Variants in CPPED1 observed in about 807,000 individuals in gnomAD.
CPPED1 encodes the protein serine/threonine-protein phosphatase CPPED1.
A neutral mutation model predicts 28.0 loss-of-function variants in CPPED1; 28 were observed. The observed-to-expected ratio is 1.00, with a 90% CI of 0.74 to 1.37. CPPED1 has a LOEUF of 1.37. CPPED1 is among the 40% of genes most tolerant of loss of function. CPPED1 has a pLI of 0.00. For synonymous variants in CPPED1, 198 were observed against 180.2 expected (o/e 1.10, Z -0.79); for missense variants, 504 against 416.5 (o/e 1.21, Z -1.83).
chr16:12,695,666 T>A (rs573609280), intron 3 of CPPED1, among the ~76,000 whole-genome samples: 1 of 152,344 alleles, frequency 6.6e-6, no homozygotes, highest in East Asian at 1.9e-4. Flanking sequence ...CAATCTCCGG[T>A]TTTGGCCAAT....
At chr16:12,684,023 G>A (rs748500477) in intron 3 of CPPED1, among the ~76,000 whole-genome samples, 8 of 152,136 alleles carry the variant, frequency 5.3e-5, no homozygotes, top group Non-Finnish European at 1.0e-4. Flanking sequence ...GAAGAGGTAA[G>A]GGCCAACGAA....
chr16:12,704,609 G>A lies in CPPED1; in HGVS notation c.715+15C>T, dbSNP rs747916970. On this transcript the variant is annotated intron_variant, in intron 3 of 3. Transcript: ENST00000381774. ...TTGTCCTTCCTCCCTGAAACCCGTGGCCCGGGGCCTCTACCTGCGTGGATG... is the reference window on the plus strand; with the variant it reads ...TTGTCCTTCCTCCCTGAAACCCGTGACCCGGGGCCTCTACCTGCGTGGATG... The A allele has an allele frequency of 2.7e-5, 43 of 1,594,472 alleles. No homozygotes were observed. Among genetic ancestry groups the A allele is most frequent in the Non-Finnish European group, 3.6e-5 (42 of 1,167,756 alleles).
At chr16:12,685,348 G>A (rs1327375790) in intron 3 of CPPED1, among the ~76,000 whole-genome samples, 1 of 152,164 alleles carries the variant, frequency 6.6e-6, no homozygotes, top group Non-Finnish European at 1.5e-5. Context: ...TACTCAGGAG[G>A]CTGAGGCAAG....
chr16:12,799,086 A>C (rs921301945), intron 1 of CPPED1, among the ~76,000 whole-genome samples: 3 of 152,168 alleles, frequency 2.0e-5, no homozygotes, highest in African/African-American at 7.2e-5. Flanking sequence ...GCGCTCTTTC[A>C]TTTAATTGGC....
At chr16:12,756,962 A>G (rs533265232) in intron 2 of CPPED1, among the ~76,000 whole-genome samples, 2 of 152,310 alleles carry the variant, frequency 1.3e-5, no homozygotes, top group East Asian at 3.9e-4. Flanking sequence ...AAATTTTTAG[A>G]TTCAATCCCG....
At chr16:12,676,915 T>C (rs2079880627) in intron 3 of CPPED1, among the ~76,000 whole-genome samples, 1 of 152,140 alleles carries the variant, frequency 6.6e-6, no homozygotes, top group South Asian at 2.1e-4. Flanking sequence ...TTTAGAGATG[T>C]TCAGTAGTTT....
intron 3 of CPPED1, among the ~76,000 whole-genome samples, chr16:12,685,397 C>A (rs995999763): frequency 6.6e-6 from 1 of 152,166 alleles, no homozygotes; most frequent in Non-Finnish European, 1.5e-5. Context: ...TTGCAGTGAG[C>A]CGAGATCATG....
Position 12,803,727 on chromosome 16 carries a change from G to C in CPPED1, c.50C>G (p.Thr17Ser). The C allele has an allele frequency of 3.8e-6, 6 of 1,591,746 alleles. No homozygotes were observed. Among genetic ancestry groups the C allele is most frequent in the Non-Finnish European group, 5.1e-6 (6 of 1,170,790 alleles). Reference protein sequence around the residue: ...GGVFHRARGRTLAAFPAEKES... With the variant: ...GGVFHRARGRSLAAFPAEKES... ...AGTACCTGCGGGAAACGCGGCCAGG[G>C]TCCTGCCCCTGGCTCTGTGGAAAAC... The change falls in exon 1 of 4, where the codon ACC becomes AGC. Residue 17 changes from threonine (T) to serine (S), a missense_variant. Thr to Ser is a moderately conservative substitution (Grantham distance 58). Coordinates refer to ENST00000381774, the MANE Select transcript of CPPED1 (RefSeq NM_018340.3).
intron 3 of CPPED1, among the ~76,000 whole-genome samples, chr16:12,676,022 G>A (rs1427268446): frequency 6.6e-6 from 1 of 152,158 alleles, no homozygotes; most frequent in East Asian, 1.9e-4. Flanking sequence ...TGAATATGAA[G>A]TCATGGTTAA....
At chr16:12,743,286 G>A (rs2080265977) in intron 2 of CPPED1, among the ~76,000 whole-genome samples, 1 of 151,724 alleles carries the variant, frequency 6.6e-6, no homozygotes, top group Admixed American at 6.6e-5. Context: ...ATAACCAAGT[G>A]GAAAAAAAAT....
At chr16:12,688,460 TCC>T (rs1016719921) in intron 3 of CPPED1, among the ~76,000 whole-genome samples, 2 of 151,790 alleles carry the variant, frequency 1.3e-5, no homozygotes, top group Admixed American at 6.6e-5. Flanking sequence ...TGCCTCAGCT[TCC>T]CGAGTAGCTG....
chr16:12,776,163 G>A (rs1424543306), intron 2 of CPPED1, among the ~76,000 whole-genome samples: 1 of 152,152 alleles, frequency 6.6e-6, no homozygotes, highest in Non-Finnish European at 1.5e-5. Context: ...ATGAGAGGGT[G>A]GAGCAGAGGT....
At chr16:12,751,773 G>A (rs534294007) in intron 2 of CPPED1, among the ~76,000 whole-genome samples, 46 of 152,332 alleles carry the variant, frequency 3.0e-4, no homozygotes, top group African/African-American at 1.1e-3. Context: ...AAGCTGGCTA[G>A]GGATGCATGT....
intron 1 of CPPED1, among the ~76,000 whole-genome samples, chr16:12,793,991 T>C (rs1302174264): frequency 1.3e-5 from 2 of 152,120 alleles, no homozygotes; most frequent in Non-Finnish European, 2.9e-5. Flanking sequence ...TCTAAATGTC[T>C]CCAGCAATAC....
chr16:12,741,776 C>T (rs928675895), intron 2 of CPPED1, among the ~76,000 whole-genome samples: 2 of 152,144 alleles, frequency 1.3e-5, no homozygotes, highest in African/African-American at 2.4e-5. Flanking sequence ...ACTGACCTGG[C>T]GTGGTGGTTC....
At chr16:12,703,294 C>T (rs1025148532) in intron 3 of CPPED1, among the ~76,000 whole-genome samples, 2 of 152,290 alleles carry the variant, frequency 1.3e-5, no homozygotes, top group South Asian at 2.1e-4. Context: ...CTTGAAAATA[C>T]AAAATGTTCC....
intron 3 of CPPED1, among the ~76,000 whole-genome samples, chr16:12,686,547 T>C (rs762238017): frequency 1.3e-5 from 2 of 152,188 alleles, no homozygotes; most frequent in Non-Finnish European, 2.9e-5. Context: ...TCCTGTGAAA[T>C]TGCTTTCCCA....
At chr16:12,676,964 C>A (rs553317505) in intron 3 of CPPED1, among the ~76,000 whole-genome samples, 1 of 152,210 alleles carries the variant, frequency 6.6e-6, no homozygotes, top group South Asian at 2.1e-4. Flanking sequence ...AGGATCTGAA[C>A]CCAGGAGTCT....
At position 12,704,722 on chromosome 16, in the gene CPPED1, A is replaced by T; in HGVS notation, c.617T>A (p.Ile206Asn). The change falls in exon 3 of 4, where the codon ATC becomes AAC. Residue 206 changes from isoleucine to asparagine, a missense_variant. By Grantham distance (149) the Ile-to-Asn change is moderately radical. Coordinates refer to ENST00000381774, the MANE Select transcript of CPPED1 (RefSeq NM_018340.3). ...HCQHAIVFQH[I>N]PLFLESIDED... is the part of the protein sequence containing the mutation. ...GTCGATGCTCTCCAGGAACAGCGGG[A>T]TGTGCTGGAAGACGATGGCATGCTG... The T allele has an allele frequency of 6.2e-7, 1 of 1,614,186 alleles. No homozygotes were observed. Among genetic ancestry groups the T allele is most frequent in the South Asian group, 1.1e-5 (1 of 91,074 alleles).
Sources: allele counts gnomAD v4.1 joint callset (sites outside exome capture counted in the v4.1 genomes callset), GRCh38; gene constraint gnomAD v4.1.1; transcripts MANE v1.5; gene names NCBI Gene and HGNC (gene_info 2026-07-23, HGNC 2026-07-21).